NTNG1: variants seen among roughly 807,000 people sequenced by gnomAD.
NTNG1 encodes the protein netrin-G1.
NTNG1 carries 16 observed loss-of-function variants against 54.0 expected under a neutral mutation model. That is an observed-to-expected ratio of 0.30 (90% CI 0.20 to 0.45). The LOEUF (loss-of-function observed/expected upper bound fraction) is 0.45. NTNG1 is among the 20% of genes least tolerant of loss of function. The pLI is 1.00. For synonymous variants in NTNG1, 255 were observed against 263.1 expected (o/e 0.97, Z 0.30); for missense variants, 530 against 678.7 (o/e 0.78, Z 2.43).
At chr1:107,320,598 G>A (rs1407301153) in intron 2 of NTNG1, among the ~76,000 whole-genome samples, 1 of 150,442 alleles carries the variant, frequency 6.6e-6, no homozygotes, top group African/African-American at 2.4e-5. Flanking sequence ...ATTGTAGCCT[G>A]TAATCTCTCC....
At chr1:107,460,010 T>C (rs189378251) in intron 7 of NTNG1, among the ~76,000 whole-genome samples, 182 of 152,284 alleles carry the variant, frequency 1.2e-3, no homozygotes, top group African/African-American at 4.2e-3. Context: ...TTTCGCCTAA[T>C]TTCTCACTTT....
chr1:107,331,200 G>A (rs1276076414), intron 3 of NTNG1, among the ~76,000 whole-genome samples: 2 of 151,938 alleles, frequency 1.3e-5, no homozygotes, highest in African/African-American at 4.8e-5. Flanking sequence ...CAAGCATTAT[G>A]CTCTTACAGT....
At chr1:107,152,129 A>G (rs1175964468) in intron 2 of NTNG1, among the ~76,000 whole-genome samples, 1 of 151,932 alleles carries the variant, frequency 6.6e-6, no homozygotes, top group African/African-American at 2.4e-5. Context: ...AAAACCATAT[A>G]TTTTCTTTTT....
chr1:107,196,899 T>C (rs1009766281), intron 2 of NTNG1, among the ~76,000 whole-genome samples: 4 of 151,916 alleles, frequency 2.6e-5, no homozygotes, highest in Non-Finnish European at 5.9e-5. Context: ...TCTATAATAG[T>C]GTCAGACTAA....
chr1:107,355,860 G>T (rs575726122), intron 3 of NTNG1, among the ~76,000 whole-genome samples: 1 of 152,078 alleles, frequency 6.6e-6, no homozygotes, highest in Non-Finnish European at 1.5e-5. Flanking sequence ...CATGGCTTCA[G>T]TAATGCTCTG....
At chr1:107,144,000 G>C (rs1653930299) in intron 1 of NTNG1, among the ~76,000 whole-genome samples, 1 of 152,074 alleles carries the variant, frequency 6.6e-6, no homozygotes, top group South Asian at 2.1e-4. Context: ...CCAATCAAGT[G>C]TGAGTAAGCT....
At chr1:107,370,336 AT>A (rs1008241566) in intron 3 of NTNG1, among the ~76,000 whole-genome samples, 5 of 148,386 alleles carry the variant, frequency 3.4e-5, no homozygotes, top group African/African-American at 1.2e-4. Context: ...GAGAATTGTC[AT>A]TTTTTTTTGA....
intron 3 of NTNG1, among the ~76,000 whole-genome samples, chr1:107,383,533 G>A (rs1671771894): frequency 6.6e-6 from 1 of 152,194 alleles, no homozygotes; most frequent in Non-Finnish European, 1.5e-5. Flanking sequence ...ACCACAGAAT[G>A]GATGAATATG....
intron 2 of NTNG1, among the ~76,000 whole-genome samples, chr1:107,262,280 ACG>A (rs766074048): frequency 2.4e-4 from 37 of 152,330 alleles, no homozygotes; most frequent in Non-Finnish European, 4.6e-4. Flanking sequence ...GACTGGGAGG[ACG>A]ACTAGGTTCA....
At chr1:107,399,129 T>C (rs550602360) in intron 4 of NTNG1, among the ~76,000 whole-genome samples, 2 of 152,228 alleles carry the variant, frequency 1.3e-5, no homozygotes, top group Non-Finnish European at 2.9e-5. Context: ...AGACTATTCA[T>C]ATTACATTAC....
chr1:107,327,498 T>A (rs1668031663), intron 3 of NTNG1, among the ~76,000 whole-genome samples: 1 of 152,110 alleles, frequency 6.6e-6, no homozygotes, highest in South Asian at 2.1e-4. Flanking sequence ...TATAGAAGGA[T>A]TAAATATTAA....
chr1:107,145,898 G>A (rs1196737675), intron 1 of NTNG1, among the ~76,000 whole-genome samples: 1 of 152,014 alleles, frequency 6.6e-6, no homozygotes, highest in Non-Finnish European at 1.5e-5. Flanking sequence ...TGGGATTGCT[G>A]TTGTGTCAGG....
intron 2 of NTNG1, among the ~76,000 whole-genome samples, chr1:107,292,420 C>A (rs1274774906): frequency 1.3e-5 from 2 of 152,076 alleles, no homozygotes; most frequent in African/African-American, 2.4e-5. Context: ...GAGGGTTTCC[C>A]CCGCCCTATC....
intron 2 of NTNG1, among the ~76,000 whole-genome samples, chr1:107,252,362 T>A (rs942655161): frequency 1.3e-5 from 2 of 152,160 alleles, no homozygotes; most frequent in African/African-American, 4.8e-5. Flanking sequence ...ATTCAGGAAA[T>A]GTATTTTATC....
intron 2 of NTNG1, among the ~76,000 whole-genome samples, chr1:107,245,602 T>C (rs1284298045): frequency 2.0e-5 from 3 of 152,372 alleles, no homozygotes; most frequent in African/African-American, 7.2e-5. Flanking sequence ...CAATACTGTT[T>C]TCTTAGTCTA....
At chr1:107,157,402 A>G (rs1655081759) in intron 2 of NTNG1, among the ~76,000 whole-genome samples, 1 of 152,206 alleles carries the variant, frequency 6.6e-6, no homozygotes. Context: ...AGAAAGATAG[A>G]GAAAGATAGT....
chr1:107,388,400 G>A (rs1672151125), intron 3 of NTNG1, among the ~76,000 whole-genome samples: 1 of 152,180 alleles, frequency 6.6e-6, no homozygotes, highest in South Asian at 2.1e-4. Flanking sequence ...AATGCCCTCT[G>A]CAGTTGTAAG....
intron 2 of NTNG1, among the ~76,000 whole-genome samples, chr1:107,292,247 A>T (rs1486373294): frequency 6.6e-6 from 1 of 152,184 alleles, no homozygotes; most frequent in Admixed American, 6.5e-5. Context: ...GGTCTGCGGC[A>T]ACCTCAATTC....
intron 2 of NTNG1, among the ~76,000 whole-genome samples, chr1:107,154,924 A>T (rs1382609973): frequency 6.6e-5 from 10 of 152,128 alleles, no homozygotes; most frequent in African/African-American, 1.4e-4. Flanking sequence ...GAATGCAGAG[A>T]TGCAACATTT....
Sources: allele counts gnomAD v4.1 joint callset (sites outside exome capture counted in the v4.1 genomes callset), GRCh38; gene constraint gnomAD v4.1.1; transcripts MANE v1.5; gene names NCBI Gene and HGNC (gene_info 2026-07-23, HGNC 2026-07-21).